The following GNAS variants were observed in gnomAD, a reference collection of about 807,000 sequenced individuals.
GNAS encodes GNAS complex locus, also known as protein ALEX.
Under a neutral mutation model 54.5 loss-of-function variants are expected in GNAS, and 8 were observed. The observed-to-expected ratio is 0.15, with a 90% CI of 0.09 to 0.26. The LOEUF (loss-of-function observed/expected upper bound fraction) is 0.26, where lower values mean the gene tolerates loss of function less well. Ranked by LOEUF, GNAS falls within the 10% of genes least tolerant of loss-of-function variation. The pLI is 1.00. For missense variants in GNAS, 170 were observed against 529.8 expected (o/e 0.32, Z 6.67); for synonymous variants, 204 against 191.4 (o/e 1.07, Z -0.54).
intron 1 of GNAS, chr20:58,892,389 C>A (rs1370375140): frequency 8.8e-6 from 1 of 113,894 alleles, no homozygotes. Context: ...GAGGGGGTGA[C>A]GCTGGGGGGC....
At chr20:58,903,953 T>A (rs942401739) in intron 5 of GNAS, among the ~76,000 whole-genome samples, 162 bp downstream of exon 5, 3 of 152,214 alleles carry the variant, frequency 2.0e-5, no homozygotes, top group Non-Finnish European at 4.4e-5. Flanking sequence ...AAAGTTAATT[T>A]CATGTGTAAC....
chr20:58,889,565 C>T (rs2088916953), upstream of GNAS: 1 of 153,536 alleles, frequency 6.5e-6, no homozygotes, highest in Non-Finnish European at 1.4e-5. Flanking sequence ...CAGACTCCTG[C>T]CATCCGCGCC....
At chr20:58,904,370 A>G (rs2090898766) in intron 5 of GNAS, among the ~76,000 whole-genome samples, 1 of 152,224 alleles carries the variant, frequency 6.6e-6, no homozygotes, top group African/African-American at 2.4e-5. Flanking sequence ...AAAAAATGAA[A>G]TATATCTAAA....
Position 58,853,417 on chromosome 20 carries a change from C to A in GNAS, c.43+12531C>A, listed in dbSNP as rs1349973958. The A allele has an allele frequency of 6.3e-7, 1 of 1,589,212 alleles. No homozygotes were observed. The highest frequency in any genetic ancestry group is 1.8e-5 in the Admixed American group (1 of 56,602). On this transcript the variant is annotated intron_variant, in intron 1 of 12. Coordinates refer to the GNAS transcript ENST00000306090. The surrounding 1 kb of genome is among the most constrained non-coding windows in gnomAD (Gnocchi z 4.4). ...CCTAGCCCAGCCGAAGAGATGGAGACCGAACCGCCTCACAACGAGCCCATC... is the reference window on the plus strand; with the variant it reads ...CCTAGCCCAGCCGAAGAGATGGAGAACGAACCGCCTCACAACGAGCCCATC...
In GNAS at chr20:58,863,375, G is replaced by T. The variant is rs2086877707; in HGVS notation, c.43+22489G>T. Among the ~76,000 whole-genome samples, 1 of 152,144 alleles carries T rather than the reference G, an allele frequency of 6.6e-6. No individual in the cohort carries two copies. Among genetic ancestry groups the T allele is most frequent in the East Asian group, 1.9e-4 (1 of 5,196 alleles). ...ATTCAGGAGTATTTTGACTTGTGGA[G>T]TTCTGCCCACAGAACTGCACATTGG... On this transcript the variant is annotated intron_variant, in intron 1 of 12. Transcript: ENST00000306090. The surrounding 1 kb of genome is among the most constrained non-coding windows in gnomAD (Gnocchi z 4.1).
intron 1 of GNAS, among the ~76,000 whole-genome samples, chr20:58,850,215 A>C (rs1473034666): frequency 6.6e-6 from 1 of 152,166 alleles, no homozygotes; most frequent in Non-Finnish European, 1.5e-5. Context: ...AAGACTTTCA[A>C]GGTCCCCCCA....
intron 1 of GNAS, chr20:58,854,945 C>T (rs1314612220): frequency 1.2e-6 from 2 of 1,606,702 alleles, no homozygotes; most frequent in African/African-American, 1.3e-5. Flanking sequence ...GCAGCCGCGG[C>T]CGCCGCGTGT....
chr20:58,850,665 T>G, intron 1 of GNAS: 1 of 399,236 alleles, frequency 2.5e-6, no homozygotes, highest in Non-Finnish European at 4.4e-6. Flanking sequence ...CTCCTCACCT[T>G]GCCCGGCAGT....
upstream of GNAS, chr20:58,889,018 A>AC (rs963979602): frequency 9.3e-5 from 90 of 972,606 alleles, no homozygotes; most frequent in Admixed American, 1.3e-4. Flanking sequence ...ACCGGCCTGC[A>AC]CCCCCAGGGT....
intron 1 of GNAS, among the ~76,000 whole-genome samples, chr20:58,858,233 C>T (rs2086597285): frequency 6.6e-6 from 1 of 152,160 alleles, no homozygotes; most frequent in African/African-American, 2.4e-5. Context: ...GATCAAATGG[C>T]TGTCCTTTGA....
Position 58,892,870 on chromosome 20 carries a change from G to GC in GNAS, c.139+1013dup, listed in dbSNP as rs112895364. Among the ~76,000 whole-genome samples the GC allele has an allele frequency of 4.7e-3, 473 of 101,028 alleles. 6 individuals are homozygous for GC. Among genetic ancestry groups the GC allele is most frequent in the African/African-American group, 0.012 (297 of 24,782 alleles). 66.3% of individuals were successfully genotyped at this position (101,028 alleles called of 152,430 possible). On this transcript the variant is annotated intron_variant, in intron 1 of 12. Coordinates refer to ENST00000371085, the MANE Select transcript of GNAS (RefSeq NM_000516.7). ...GAGCGGAGAATTAATTGTAGCAGCTGCCCCCCCCACCCACCACGAGCAGCG... is the reference window on the plus strand; with the variant it reads ...GAGCGGAGAATTAATTGTAGCAGCTGCCCCCCCCCACCCACCACGAGCAGCG...
At chr20:58,892,169 C>T (rs529793816) in intron 1 of GNAS, 4 of 961,040 alleles carry the variant, frequency 4.2e-6, no homozygotes, top group East Asian at 1.2e-4. Context: ...TTCTCTCTTT[C>T]TCTCTTTTTC....
intron 1 of GNAS, among the ~76,000 whole-genome samples, chr20:58,859,106 C>A (rs1482541474): frequency 2.0e-5 from 3 of 152,208 alleles, no homozygotes; most frequent in Non-Finnish European, 4.4e-5. Context: ...GGGTCATCCC[C>A]TTACTGTATG....
chr20:58,892,661 C>CGT (rs1026489406), intron 1 of GNAS, among the ~76,000 whole-genome samples: 1 of 151,868 alleles, frequency 6.6e-6, no homozygotes, highest in African/African-American at 2.4e-5. Context: ...GCGGAGCAGA[C>CGT]GTGTCCCGGG....
Position 58,910,218 on chromosome 20 carries a change from C to G in GNAS, c.971-116C>G. On this transcript the variant is annotated intron_variant, in intron 11 of 12. Transcript: ENST00000371085. This position sits in a 1 kb window ranked among gnomAD's most constrained non-coding sequence, Gnocchi z 5.8. ...GAGAAGCAAGAAAAACGCACTCCCA[C>G]TAATTCTCATATGGAAAAATCAGGG... 7.9e-7 allele frequency: 1 copy of G among 1,257,950 alleles called. No individual in the cohort carries two copies. Among genetic ancestry groups the G allele is most frequent in the Non-Finnish European group, 1.2e-6 (1 of 855,116 alleles). 77.9% of individuals were successfully genotyped at this position (1,257,950 alleles called of 1,614,324 possible).
At chr20:58,844,716 C>T (rs1003819538) in intron 1 of GNAS, among the ~76,000 whole-genome samples, 1 of 151,798 alleles carries the variant, frequency 6.6e-6, no homozygotes, top group Non-Finnish European at 1.5e-5. Context: ...CAAAAAACAT[C>T]GAAAGTTGCT....
chr20:58,895,709 G>T lies in GNAS; in HGVS notation c.212+25G>T. On this transcript the variant is annotated intron_variant, in intron 2 of 12. Transcript: ENST00000371085. ...AGTAAGTGTCAAATCTGTGCAGGGG[G>T]GCACCAAGTAAGAGGAACAGACTTT... The T allele has an allele frequency of 6.7e-6, 9 of 1,333,402 alleles. 1 individual carries two copies. The highest frequency in any genetic ancestry group is 3.6e-4 in the Middle Eastern group (2 of 5,564). 82.6% of individuals were successfully genotyped at this position (1,333,402 alleles called of 1,614,324 possible).
At chr20:58,860,658 AGTT>A (rs140207944) in intron 1 of GNAS, among the ~76,000 whole-genome samples, 2,362 of 152,014 alleles carry the variant, frequency 0.016, 61 homozygotes, top group African/African-American at 0.054. Flanking sequence ...CAGGAAGGTT[AGTT>A]GTTGTTGTTG....
At chr20:58,870,003 A>C (rs897205150) in intron 1 of GNAS, among the ~76,000 whole-genome samples, 1 of 152,200 alleles carries the variant, frequency 6.6e-6, no homozygotes, top group African/African-American at 2.4e-5. Context: ...CCCACCCAGC[A>C]GCTGGAAAAT....
Sources: gnomAD v4.1 joint callset for allele counts (sites outside exome capture counted in the v4.1 genomes callset) on GRCh38, gnomAD v4.1.1 for gene constraint, Gnocchi (gnomAD v3.1) non-coding constraint, MANE v1.5 for transcripts, NCBI Gene and HGNC (gene_info 2026-07-23, HGNC 2026-07-21) for gene names.